The following UBR1 variants were observed in gnomAD, a reference collection of about 807,000 sequenced individuals.
The protein encoded by UBR1 is E3 ubiquitin-protein ligase UBR1.
A neutral mutation model predicts 242.1 loss-of-function variants in UBR1; 102 were observed. That is an observed-to-expected ratio of 0.42 (90% CI 0.36 to 0.50). The LOEUF (loss-of-function observed/expected upper bound fraction) is 0.50, where lower values mean the gene tolerates loss of function less well. UBR1 is among the 20% of genes least tolerant of loss of function. The probability of loss-of-function intolerance (pLI) is 0.01; values close to 1 mark genes in which losing one functional copy is unlikely to be tolerated. For synonymous variants in UBR1, 675 were observed against 684.8 expected, an observed-to-expected ratio of 0.99 and a Z score of 0.22; for missense variants, 1,772 against 2,101.8, an observed-to-expected ratio of 0.84 and a Z score of 3.07.
intron 2 of UBR1, among the ~76,000 whole-genome samples, chr15:43,085,637 AC>A (rs2034026110): frequency 6.6e-6 from 1 of 152,172 alleles, no homozygotes; most frequent in Non-Finnish European, 1.5e-5. Flanking sequence ...TAATCCCAGC[AC>A]TTTGTGAGGC....
intron 33 of UBR1, among the ~76,000 whole-genome samples, chr15:42,991,920 A>G (rs572791712): frequency 2.0e-5 from 3 of 151,706 alleles, no homozygotes; most frequent in Admixed American, 2.0e-4. Context: ...TATTATTATT[A>G]TTTTTTATTT....
At position 42,945,504 on chromosome 15, in the gene UBR1, T is replaced by C. The variant is rs746407352; in HGVS notation, c.5109-34A>G. The C allele has an allele frequency of 6.2e-6, 10 of 1,611,928 alleles. No individual in the cohort carries two copies. The Admixed American group carries it at 1.0e-4, about 16-fold the overall frequency. ...AAAAAAGAAAAAACAACATGTAAGT[T>C]TGAATCTAGTAACTGCCACATCTTT... On this transcript the variant is annotated intron_variant, in intron 46 of 46. Transcript: ENST00000290650.
chr15:42,956,885 A>G (rs2031929963), intron 44 of UBR1, among the ~76,000 whole-genome samples: 1 of 152,154 alleles, frequency 6.6e-6, no homozygotes, highest in Non-Finnish European at 1.5e-5. Flanking sequence ...GCCAGCAAGG[A>G]TGTGAGAAAA....
chr15:43,062,222 A>G (rs1241555331), intron 6 of UBR1, among the ~76,000 whole-genome samples: 1 of 152,194 alleles, frequency 6.6e-6, no homozygotes, highest in Non-Finnish European at 1.5e-5. Context: ...ACAATAGCAG[A>G]AGGTGGAAGC....
intron 11 of UBR1, among the ~76,000 whole-genome samples, chr15:43,055,493 C>T (rs981633357): frequency 2.6e-5 from 4 of 152,088 alleles, no homozygotes; most frequent in African/African-American, 9.7e-5. Context: ...TACTTCATGA[C>T]TTCTAGCACA....
intron 33 of UBR1, among the ~76,000 whole-genome samples, chr15:42,996,250 C>T (rs1402844993): frequency 2.0e-5 from 3 of 152,094 alleles, no homozygotes; most frequent in Admixed American, 2.0e-4. Context: ...TCATTCTTAA[C>T]TGCGTAACAT....
In UBR1 at chr15:42,944,758, T is replaced by C. The variant is rs955339448; in HGVS notation, c.*571A>G. The C allele has an allele frequency of 4.2e-5, 7 of 166,992 alleles. No individual in the cohort carries two copies. The highest frequency in any genetic ancestry group is 9.6e-5 in the African/African-American group (4 of 41,606). 10.3% of individuals were successfully genotyped at this position (166,992 alleles called of 1,614,324 possible). ...TGGCAGAAATCATCCTCTGTCCACA[T>C]AGAGATTGAGTTTAATTTGTGGTGA... On this transcript the variant is annotated 3_prime_UTR_variant, in exon 47 of 47. Transcript: ENST00000290650.
rs137978369 is a variant in UBR1 at position 43,104,833 on chromosome 15, C to A, written c.81+1109G>T. ...TGGCCAACATGGTGAAACCCCGTCT[C>A]TAATAAAAATAAAAATAAAAAAAAT... On this transcript the variant is annotated intron_variant, in intron 1 of 46. Coordinates refer to ENST00000290650, the MANE Select transcript of UBR1 (RefSeq NM_174916.3). Among the ~76,000 whole-genome samples, 29 of 151,894 alleles carry A rather than the reference C, an allele frequency of 1.9e-4. No homozygotes were observed. In the East Asian group the frequency reaches 5.6e-3, roughly 29 times the overall value.
At chr15:43,094,485 T>C (rs189378373) in intron 1 of UBR1, among the ~76,000 whole-genome samples, 61 of 151,862 alleles carry the variant, frequency 4.0e-4, no homozygotes, top group African/African-American at 1.4e-3. Context: ...CACATTCTTT[T>C]TTTCTTTTTA....
intron 46 of UBR1, among the ~76,000 whole-genome samples, chr15:42,946,784 T>A (rs1567104222): frequency 6.6e-6 from 1 of 152,144 alleles, no homozygotes; most frequent in East Asian, 1.9e-4. Context: ...CAGGGAAGGA[T>A]ACAGAAAAGT....
intron 1 of UBR1, among the ~76,000 whole-genome samples, chr15:43,088,833 T>C (rs1413559061): frequency 6.8e-6 from 1 of 147,974 alleles, no homozygotes; most frequent in Non-Finnish European, 1.5e-5. Flanking sequence ...TCAATACTTT[T>C]GCAACTAACA....
At chr15:42,958,869 C>T (rs2031967770) in intron 43 of UBR1, among the ~76,000 whole-genome samples, 1 of 152,176 alleles carries the variant, frequency 6.6e-6, no homozygotes, top group African/African-American at 2.4e-5. Context: ...CTCACTCTAT[C>T]CCTCAGGCTG....
intron 4 of UBR1, among the ~76,000 whole-genome samples, chr15:43,072,813 CATTG>C (rs1445490423): frequency 6.6e-6 from 1 of 152,086 alleles, no homozygotes; most frequent in Admixed American, 6.6e-5. Context: ...TGGTGTATTA[CATTG>C]ATTGGTTTTC....
At chr15:42,967,767 T>C (rs1259415087) in intron 40 of UBR1, among the ~76,000 whole-genome samples, 4 of 151,624 alleles carry the variant, frequency 2.6e-5, no homozygotes, top group African/African-American at 9.7e-5. Context: ...AAACCTAAAA[T>C]GTCTCTAAAA....
intron 12 of UBR1, among the ~76,000 whole-genome samples, chr15:43,050,099 G>A (rs908393401): frequency 1.1e-4 from 16 of 152,022 alleles, no homozygotes; most frequent in African/African-American, 3.6e-4. Context: ...CTACAGGCGC[G>A]TGCCACCAAA....
intron 1 of UBR1, among the ~76,000 whole-genome samples, chr15:43,097,352 T>C (rs1396955260): frequency 1.3e-5 from 2 of 152,212 alleles, no homozygotes; most frequent in Admixed American, 6.5e-5. Context: ...CAGAGTAGCA[T>C]AATTCTTAAG....
chr15:43,013,297 G>A (rs1387282136), intron 29 of UBR1, among the ~76,000 whole-genome samples: 3 of 152,166 alleles, frequency 2.0e-5, no homozygotes, highest in African/African-American at 7.2e-5. Context: ...TTGGAATGCT[G>A]TTCAAAGTAA....
chr15:43,036,677 T>C (rs921916026), intron 17 of UBR1, 84 bp from the exon 18 acceptor site: 2 of 971,084 alleles, frequency 2.1e-6, no homozygotes, highest in East Asian at 2.4e-5. Context: ...CTTAAAACTT[T>C]CTCTAAGCTA....
intron 8 of UBR1, 51 bp from the exon 9 acceptor site, chr15:43,059,243 T>C (rs1308673961): frequency 1.3e-6 from 2 of 1,531,514 alleles, no homozygotes; most frequent in Admixed American, 1.7e-5. Context: ...CTTTTTCTTT[T>C]TAAATAGAGA....
Sources: allele counts gnomAD v4.1 joint callset (sites outside exome capture counted in the v4.1 genomes callset), GRCh38; gene constraint gnomAD v4.1.1; transcripts MANE v1.5; gene names NCBI Gene and HGNC (gene_info 2026-07-23, HGNC 2026-07-21).